ANO10: variants seen among roughly 807,000 people sequenced by gnomAD.
ANO10 encodes the protein anoctamin-10.
A neutral mutation model predicts 74.7 loss-of-function variants in ANO10; 77 were observed. That is an observed-to-expected ratio of 1.03 (90% CI 0.86 to 1.25). The LOEUF (loss-of-function observed/expected upper bound fraction) is 1.25, where lower values mean the gene tolerates loss of function less well. Among genes scored for constraint, ANO10 ranks in the 50% most tolerant of loss-of-function variants. The pLI is 0.00. For missense variants in ANO10, 721 were observed against 778.1 expected (o/e 0.93, Z 0.87); for synonymous variants, 279 against 284.9 (o/e 0.98, Z 0.21).
intron 7 of ANO10, among the ~76,000 whole-genome samples, chr3:43,573,256 AAGG>A (rs1366471490): frequency 2.0e-5 from 3 of 152,302 alleles, no homozygotes; most frequent in Middle Eastern, 3.4e-3. Context: ...TCACGGTGTG[AAGG>A]AGGCCTTCGA....
chr3:43,509,332 C>T (rs1575299700), intron 11 of ANO10, among the ~76,000 whole-genome samples: 1 of 151,918 alleles, frequency 6.6e-6, no homozygotes, highest in Non-Finnish European at 1.5e-5. Flanking sequence ...CAAACCTGCA[C>T]GTTGTGCACA....
At chr3:43,371,267 G>A (rs1477623067) in intron 12 of ANO10, among the ~76,000 whole-genome samples, 3 of 152,108 alleles carry the variant, frequency 2.0e-5, no homozygotes, top group African/African-American at 7.2e-5. Context: ...TTCACTAGTG[G>A]CCTCACCGTC....
intron 12 of ANO10, among the ~76,000 whole-genome samples, chr3:43,370,587 T>G (rs1031341858): frequency 1.3e-5 from 2 of 151,884 alleles, no homozygotes; most frequent in Admixed American, 1.3e-4. Flanking sequence ...AATATCCCCT[T>G]AAAAAAAACC....
chr3:43,578,890 T>A (rs1283563174), intron 5 of ANO10, among the ~76,000 whole-genome samples: 1 of 150,486 alleles, frequency 6.6e-6, no homozygotes, highest in Non-Finnish European at 1.5e-5. Flanking sequence ...ATAAAATGAC[T>A]ATTGTATGAC....
At chr3:43,682,698 C>T (rs181421069) in intron 1 of ANO10, among the ~76,000 whole-genome samples, 7 of 152,252 alleles carry the variant, frequency 4.6e-5, no homozygotes, top group Admixed American at 2.0e-4. Flanking sequence ...ACTGGCAAAC[C>T]GAATCCAGCA....
chr3:43,385,529 G>C (rs542191775), intron 12 of ANO10, among the ~76,000 whole-genome samples: 1 of 152,128 alleles, frequency 6.6e-6, no homozygotes, highest in Admixed American at 6.5e-5. Flanking sequence ...CAACCAACGA[G>C]TGGATAAAGA....
chr3:43,387,300 G>T (rs188687678), intron 12 of ANO10, among the ~76,000 whole-genome samples: 1 of 152,184 alleles, frequency 6.6e-6, no homozygotes, highest in African/African-American at 2.4e-5. Flanking sequence ...CCAAAACGTC[G>T]TCACACAGTG....
chr3:43,442,631 A>G (rs1281250116), intron 11 of ANO10, among the ~76,000 whole-genome samples: 2 of 147,378 alleles, frequency 1.4e-5, no homozygotes, highest in African/African-American at 4.9e-5. Flanking sequence ...AAAGTGATCT[A>G]TAGATTCAAT....
chr3:43,643,106 A>C (rs2149564462), intron 1 of ANO10, among the ~76,000 whole-genome samples: 2 of 149,542 alleles, frequency 1.3e-5, no homozygotes, highest in African/African-American at 4.9e-5. Flanking sequence ...ATCTCGGCTC[A>C]CTGCAAGCTC....
At chr3:43,488,118 G>A (rs2076571621) in intron 11 of ANO10, among the ~76,000 whole-genome samples, 1 of 151,530 alleles carries the variant, frequency 6.6e-6, no homozygotes, top group Non-Finnish European at 1.5e-5. Context: ...CTAGCCATAT[G>A]TAGAAAGCTG....
intron 1 of ANO10, among the ~76,000 whole-genome samples, chr3:43,628,214 G>A (rs1164078622): frequency 1.3e-5 from 2 of 152,196 alleles, no homozygotes; most frequent in East Asian, 3.8e-4. Flanking sequence ...CTGAAGCCAT[G>A]GCAGAAGAAC....
chr3:43,473,355 G>C (rs1575973335), intron 11 of ANO10, among the ~76,000 whole-genome samples: 1 of 151,982 alleles, frequency 6.6e-6, no homozygotes, highest in South Asian at 2.1e-4. Context: ...CATAAGCCAC[G>C]TTCTTCCTCA....
At chr3:43,621,608 G>A (rs1379416478) in intron 1 of ANO10, among the ~76,000 whole-genome samples, 1 of 152,004 alleles carries the variant, frequency 6.6e-6, no homozygotes. Flanking sequence ...CCGCCTCACC[G>A]CCTTTCTCTC....
chr3:43,669,470 T>C lies in ANO10; in HGVS notation c.-12+22047A>G, dbSNP rs1006163964. Among the ~76,000 whole-genome samples the C allele has an allele frequency of 5.3e-5, 8 of 152,290 alleles. No homozygotes were observed. In the East Asian group the frequency reaches 5.8e-4, roughly 11 times the overall value. On this transcript the variant is annotated intron_variant, in intron 1 of 3. Coordinates refer to the ANO10 transcript ENST00000413397. ...CAATTTGTCAATTACAGTTCAGGTT[T>C]TCCTACTCTGATTCCTGCAGAGGTT... is the stretch of plus-strand genomic sequence containing the variant.
intron 11 of ANO10, among the ~76,000 whole-genome samples, chr3:43,487,538 T>G (rs1344872366): frequency 6.6e-6 from 1 of 151,866 alleles, no homozygotes; most frequent in African/African-American, 2.4e-5. Flanking sequence ...CTTGGGAGAG[T>G]GTATGTGTCG....
chr3:43,474,904 T>G (rs952338768), intron 11 of ANO10, among the ~76,000 whole-genome samples: 4 of 42,896 alleles, frequency 9.3e-5, no homozygotes, highest in Non-Finnish European at 3.2e-4. Flanking sequence ...TTTTGTAGAA[T>G]TTTTTTTTGT....
chr3:43,553,176 T>C (rs775865634), intron 10 of ANO10, among the ~76,000 whole-genome samples: 3 of 152,180 alleles, frequency 2.0e-5, no homozygotes, highest in East Asian at 3.9e-4. Flanking sequence ...CAATAAGAAA[T>C]TGCCTGTCAT....
chr3:43,556,637 C>G (rs2079764703), intron 9 of ANO10, among the ~76,000 whole-genome samples: 1 of 152,200 alleles, frequency 6.6e-6, no homozygotes, highest in African/African-American at 2.4e-5. Context: ...AACACATACA[C>G]ACACTAAGAA....
At chr3:43,413,159 CT>C (rs537419007) in intron 12 of ANO10, among the ~76,000 whole-genome samples, 103 of 152,318 alleles carry the variant, frequency 6.8e-4, no homozygotes, top group Non-Finnish European at 1.3e-3. Context: ...TCTCATCCTA[CT>C]TTTTACTTCT....
Sources: allele counts gnomAD v4.1 joint callset (sites outside exome capture counted in the v4.1 genomes callset), GRCh38; gene constraint gnomAD v4.1.1; transcripts MANE v1.5; gene names NCBI Gene and HGNC (gene_info 2026-07-23, HGNC 2026-07-21).